CACNA1E: variants seen among roughly 807,000 people sequenced by gnomAD.
CACNA1E encodes the protein voltage-dependent R-type calcium channel subunit alpha-1E.
A neutral mutation model predicts 259.2 loss-of-function variants in CACNA1E; 40 were observed. The observed-to-expected ratio is 0.15, with a 90% confidence interval of 0.12 to 0.20. CACNA1E has a LOEUF of 0.20. CACNA1E is among the 10% of genes least tolerant of loss of function. The probability of loss-of-function intolerance (pLI) is 1.00; values close to 1 mark genes in which losing one functional copy is unlikely to be tolerated. For missense variants in CACNA1E, 1,874 were observed against 3,040.1 expected (o/e 0.62, Z 9.02); for synonymous variants, 1,104 against 1,138.5 (o/e 0.97, Z 0.61).
chr1:181,686,275 G>GTTTTTTT (rs66526388), intron 7 of CACNA1E, among the ~76,000 whole-genome samples: 3 of 58,670 alleles, frequency 5.1e-5, no homozygotes, highest in Non-Finnish European at 6.3e-5. Flanking sequence ...TAAGAACCAA[G>GTTTTTTT]TTTTTTTTTT....
intron 7 of CACNA1E, among the ~76,000 whole-genome samples, chr1:181,685,460 C>G (rs1271912723): frequency 6.6e-6 from 1 of 152,106 alleles, no homozygotes; most frequent in Non-Finnish European, 1.5e-5. Context: ...CACAATCTTC[C>G]TTACTGGAGG....
chr1:181,510,209 A>G (rs1305281327), intron 1 of CACNA1E, among the ~76,000 whole-genome samples: 7 of 152,252 alleles, frequency 4.6e-5, no homozygotes, highest in Non-Finnish European at 1.0e-4. Context: ...CATATGCCCA[A>G]CTATATTATG....
At chr1:181,531,572 A>G (rs1289674902) in intron 3 of CACNA1E, among the ~76,000 whole-genome samples, 1 of 152,146 alleles carries the variant, frequency 6.6e-6, no homozygotes, top group Non-Finnish European at 1.5e-5. Flanking sequence ...GCAGGGCGGG[A>G]GGTATGGAAA....
intron 7 of CACNA1E, among the ~76,000 whole-genome samples, chr1:181,656,188 CT>C (rs1659192692): frequency 6.6e-6 from 1 of 152,142 alleles, no homozygotes; most frequent in Admixed American, 6.6e-5. Context: ...AAAAAGTTAT[CT>C]GTAAAACAGT....
At position 181,798,566 on chromosome 1, in the gene CACNA1E, A is replaced by G; in HGVS notation, c.6674A>G (p.Gln2225Arg). The change falls in exon 48 of 48, where the codon CAG becomes CGG. Residue 2225 changes from glutamine to arginine, a missense_variant. By Grantham distance (43) the Gln-to-Arg change is conservative. Transcript: ENST00000367573. The surrounding 1 kb of genome is among the most constrained non-coding windows in gnomAD (Gnocchi z 4.2). The part of the protein sequence containing the change: ...HPQQSQHASP[Q>R]RYISEPYLAL... ...CAGCAGAGCCAACATGCCTCCCCAC[A>G]GCGCTACATCTCCGAGCCCTACTTG... 1.2e-6 allele frequency: 2 copies of G among 1,613,688 alleles called. No individual in the cohort carries two copies. The highest frequency in any genetic ancestry group is 1.7e-6 in the Non-Finnish European group (2 of 1,179,884).
rs543242389 is a variant in CACNA1E, at chr1:181,643,431, G to A, written c.952-7907G>A. On this transcript the variant is annotated intron_variant, in intron 6 of 47. Coordinates refer to ENST00000367573, the MANE Select transcript of CACNA1E (RefSeq NM_001205293.3). Reference sequence around the variant, plus strand: ...TGCCCACTTTTGCAGACCCTGCCACGGCAGCCTTCGTAGTCCTATGTGGCA... The same window carrying A: ...TGCCCACTTTTGCAGACCCTGCCACAGCAGCCTTCGTAGTCCTATGTGGCA... 5.9e-5 allele frequency among the ~76,000 whole-genome samples: 9 copies of A among 152,302 alleles called. No homozygotes were observed. In the South Asian group the frequency reaches 8.3e-4, roughly 14 times the overall value.
intron 16 of CACNA1E, 91 bp from the exon 17 acceptor site, chr1:181,724,379 G>C: frequency 1.0e-6 from 1 of 983,524 alleles, no homozygotes; most frequent in Non-Finnish European, 1.6e-6. Flanking sequence ...TCCTGTTAAT[G>C]TCCCAGGCAG....
intron 6 of CACNA1E, among the ~76,000 whole-genome samples, chr1:181,602,092 C>T (rs930811498): frequency 2.6e-5 from 4 of 152,206 alleles, no homozygotes; most frequent in Admixed American, 2.0e-4. Flanking sequence ...CAAACCTCCT[C>T]CTTCCCAGTA....
In CACNA1E at chr1:181,701,714, A is replaced by G. The variant is rs539695189; in HGVS notation, c.1056-9240A>G. 4.6e-4 allele frequency among the ~76,000 whole-genome samples: 70 copies of G among 152,334 alleles called. 1 individual carries two copies. Among genetic ancestry groups the G allele is most frequent in the African/African-American group, 1.7e-3 (70 of 41,578 alleles). ...GTGGTCCCCTAGCCCTTTTCTTAAA[A>G]GGTTTTAAGGACCACCATGTGAGAA... On this transcript the variant is annotated intron_variant, in intron 7 of 47. Transcript: ENST00000367573.
chr1:181,491,712 T>C (rs765004295), intron 1 of CACNA1E, among the ~76,000 whole-genome samples: 4 of 152,276 alleles, frequency 2.6e-5, no homozygotes, highest in Admixed American at 6.5e-5. Context: ...TATGTCATTA[T>C]CAACTTTGAG....
chr1:181,669,547 T>G (rs1648583867), intron 7 of CACNA1E, among the ~76,000 whole-genome samples: 1 of 152,220 alleles, frequency 6.6e-6, no homozygotes, highest in Non-Finnish European at 1.5e-5. Flanking sequence ...CGTTACGTTA[T>G]TTTATAGTTA....
At chr1:181,397,730 C>T (rs565361336) in intron 1 of CACNA1E, among the ~76,000 whole-genome samples, 5 of 152,198 alleles carry the variant, frequency 3.3e-5, no homozygotes, top group African/African-American at 1.2e-4. Flanking sequence ...TGTCCCTCCC[C>T]CTCATCCCGT....
chr1:181,693,151 C>A (rs76441166), intron 7 of CACNA1E, among the ~76,000 whole-genome samples: 2,169 of 61,912 alleles, frequency 0.035, 41 homozygotes, highest in Middle Eastern at 0.083. Flanking sequence ...AAAAAAAAAA[C>A]AACAGATGCT....
At chr1:181,572,894 C>A (rs2102945072) in intron 3 of CACNA1E, among the ~76,000 whole-genome samples, 1 of 152,074 alleles carries the variant, frequency 6.6e-6, no homozygotes, top group South Asian at 2.1e-4. Context: ...TAATTTGTGG[C>A]CTTAGAATGA....
At chr1:181,586,964 G>A (rs1044506806) in intron 6 of CACNA1E, among the ~76,000 whole-genome samples, 5 of 152,086 alleles carry the variant, frequency 3.3e-5, no homozygotes, top group African/African-American at 1.2e-4. Flanking sequence ...GGAGAGGGAG[G>A]AGAATTGGTG....
chr1:181,593,882 A>G (rs1057142591), intron 6 of CACNA1E, among the ~76,000 whole-genome samples: 1 of 152,186 alleles, frequency 6.6e-6, no homozygotes, highest in African/African-American at 2.4e-5. Flanking sequence ...CCTGACATTC[A>G]TCTGTGGCAG....
rs760162429 is a variant in CACNA1E at position 181,726,133 on chromosome 1, G to A, written c.2211G>A (p.Pro737=). The change falls in exon 18 of 48, where the codon CCG becomes CCA. Residue 737 remains proline, a synonymous_variant. Transcript: ENST00000367573. ...HALQKAKEVS[P]MSAPNMPSIE... ...TGCAGAAGGCCAAGGAGGTCAGCCC[G>A]ATGTCTGCACCCAACATGCCTTCGA... The A allele has an allele frequency of 1.8e-5, 29 of 1,612,732 alleles. No individual in the cohort carries two copies. The highest frequency in any genetic ancestry group is 2.7e-5 in the African/African-American group (2 of 74,998).
intron 3 of CACNA1E, among the ~76,000 whole-genome samples, chr1:181,571,388 G>A (rs184674495): frequency 6.6e-6 from 1 of 152,256 alleles, no homozygotes; most frequent in East Asian, 1.9e-4. Flanking sequence ...AAATTGTTTA[G>A]GCAGGGGAGA....
At chr1:181,499,870 G>A (rs1165916996) in intron 1 of CACNA1E, among the ~76,000 whole-genome samples, 1 of 152,204 alleles carries the variant, frequency 6.6e-6, no homozygotes, top group African/African-American at 2.4e-5. Flanking sequence ...TCTTTTGAGT[G>A]TACTTTGATT....
Sources: allele counts gnomAD v4.1 joint callset (sites outside exome capture counted in the v4.1 genomes callset), GRCh38; gene constraint gnomAD v4.1.1; non-coding constraint Gnocchi (gnomAD v3.1); transcripts MANE v1.5; gene names NCBI Gene and HGNC (gene_info 2026-07-23, HGNC 2026-07-21).